POLR3D: variants seen among roughly 807,000 people sequenced by gnomAD.
The protein encoded by POLR3D is RNA polymerase III subunit D, also known as DNA-directed RNA polymerase III subunit RPC4.
POLR3D carries 42 observed loss-of-function variants against 44.5 expected under a neutral mutation model. The observed-to-expected ratio is 0.94, with a 90% CI of 0.74 to 1.22. POLR3D has a LOEUF of 1.22. Ranked by LOEUF, POLR3D falls within the 50% of genes most tolerant of loss-of-function variation. POLR3D has a pLI of 0.00. For synonymous variants in POLR3D, 217 were observed against 198.1 expected (o/e 1.10, Z -0.80); for missense variants, 507 against 505.2 (o/e 1.00, Z -0.03).
chr8:22,245,338 C>A, intron 1 of POLR3D, 107 bp from the exon 2 acceptor site: 1 of 770,702 alleles, frequency 1.3e-6, no homozygotes, highest in Non-Finnish European at 1.8e-6. Flanking sequence ...GCTGAGAGGC[C>A]ACTGGAGGGA....
chr8:22,248,757 C>T, intron 6 of POLR3D, 108 bp downstream of exon 6: 1 of 1,078,134 alleles, frequency 9.3e-7, no homozygotes, highest in East Asian at 2.4e-5. Context: ...GTGAGCAGGT[C>T]CTCCCATTCC....
In POLR3D at chr8:22,249,263, A is replaced by C; in HGVS notation, c.875A>C (p.Gln292Pro). The change falls in exon 7 of 9, where the codon CAG becomes CCG. Residue 292 changes from glutamine (Q) to proline (P), a missense_variant. By Grantham distance (76) the Gln-to-Pro change is moderately conservative (BLOSUM62 -1). Transcript: ENST00000306433. ...ATCAAGCCTATCAAGACAGAGGTGC[A>C]GGGCGAGGACGGACAGGTGGTGCTC... ...QDIKPIKTEVQGEDGQVVLIK... is the reference protein window; with the variant it reads ...QDIKPIKTEVPGEDGQVVLIK... 2 of 1,614,042 alleles carry C rather than the reference A, an allele frequency of 1.2e-6. No individual in the cohort carries two copies. Among genetic ancestry groups the C allele is most frequent in the Non-Finnish European group, 1.7e-6 (2 of 1,180,012 alleles).
At position 22,253,224 on chromosome 8, in the gene POLR3D, C is replaced by T. The variant is rs776282415; in HGVS notation, c.*2706C>T. The T allele has an allele frequency of 4.6e-5, 7 of 152,218 alleles. No individual in the cohort carries two copies. Among genetic ancestry groups the T allele is most frequent in the Admixed American group, 2.0e-4 (3 of 15,280 alleles). 9.4% of individuals were successfully genotyped at this position (152,218 alleles called of 1,614,324 possible). On this transcript the variant is annotated 3_prime_UTR_variant, in exon 9 of 9. Transcript: ENST00000306433. ...CAGTATTGCAGAATGGCTGCTCCTG[C>T]GCCAAGCATCATTCTGCAAATGATG...
In POLR3D at chr8:22,249,147, G is replaced by A; in HGVS notation, c.759G>A (p.Glu253=). Residue 253 remains glutamate, a synonymous_variant, in exon 7 of 9, where the codon GAG becomes GAA. Transcript: ENST00000306433. ...PGLPKDVSVA[E]LLRELSLTKE... is the part of the protein sequence containing the mutation. Reference sequence around the variant, plus strand: ...TCCCGAAGGATGTATCTGTGGCAGAGCTGCTGAGGGAGCTGAGCCTCACCA... The same window carrying A: ...TCCCGAAGGATGTATCTGTGGCAGAACTGCTGAGGGAGCTGAGCCTCACCA... 6.2e-7 allele frequency: 1 copy of A among 1,614,132 alleles called. No homozygotes were observed. The highest frequency in any genetic ancestry group is 8.5e-7 in the Non-Finnish European group (1 of 1,180,004).
Position 22,245,509 on chromosome 8 carries a change from GACTGGGGCCCGGGGGC to G in POLR3D, c.61_76del (p.Thr21SerfsTer50), listed in dbSNP as rs1448714667. On this transcript the variant is annotated frameshift_variant, in exon 2 of 9. Coordinates refer to ENST00000306433, the MANE Select transcript of POLR3D (RefSeq NM_001722.3). LOFTEE classifies it high-confidence loss of function. ...CGCCGGGAGGGCCCCGACCTCTCCT[GACTGGGGCCCGGGGGC>G]TCATCGGGCGGCGGCCGGCGCCTCC... is the stretch of plus-strand genomic sequence containing the variant. 3 of 1,291,072 alleles carry G rather than the reference GACTGGGGCCCGGGGGC, an allele frequency of 2.3e-6. No individual in the cohort carries two copies. Among genetic ancestry groups the G allele is most frequent in the Non-Finnish European group, 3.0e-6 (3 of 1,011,848 alleles). 80.0% of individuals were successfully genotyped at this position (1,291,072 alleles called of 1,614,324 possible). A position where few individuals can be genotyped will look rare whatever the true frequency, so the allele number is the denominator to read the frequency against.
chr8:22,246,100 G>C (rs1455687500), intron 2 of POLR3D, among the ~76,000 whole-genome samples: 2 of 152,018 alleles, frequency 1.3e-5, no homozygotes, highest in Non-Finnish European at 2.9e-5. Context: ...GGGTCAGGAT[G>C]ACAGAAGAAC....
rs1586505392 is a variant in POLR3D, at chr8:22,245,433, C to T, written c.-5-12C>T. 12 of 1,309,786 alleles carry T rather than the reference C, an allele frequency of 9.2e-6. No individual in the cohort carries two copies. The East Asian group carries it at 1.7e-4, about 18-fold the overall frequency. The allele number at this position is 1,309,786 out of a possible 1,614,324, so 81.1% of individuals were successfully genotyped here. Reference sequence around the variant, plus strand: ...GTCCCCTCTGGTGATCTCGTCGCCCCTTCTCTCCCAGGCAACATGTCGGAA... The same window carrying T: ...GTCCCCTCTGGTGATCTCGTCGCCCTTTCTCTCCCAGGCAACATGTCGGAA... On this transcript the variant is annotated splice_polypyrimidine_tract_variant and intron_variant, in intron 1 of 8. Transcript: ENST00000306433.
chr8:22,249,557 C>T (rs910595594), intron 7 of POLR3D, among the ~76,000 whole-genome samples: 6 of 152,152 alleles, frequency 3.9e-5, no homozygotes, highest in East Asian at 1.9e-4. Context: ...TGGCCAGATG[C>T]GGTGGCTCAT....
In POLR3D at chr8:22,250,530, G is replaced by A. The variant is rs754492676; in HGVS notation, c.*12G>A. 6 of 1,613,988 alleles carry A rather than the reference G, an allele frequency of 3.7e-6. No individual in the cohort carries two copies. The Admixed American group carries it at 5.0e-5, about 13-fold the overall frequency. ...ACAAACACCGGTAAAATGAGCAGGT[G>A]GAGGAGGACGGCGCCTGTGCCCACG... is the stretch of plus-strand genomic sequence containing the variant. On this transcript the variant is annotated 3_prime_UTR_variant, in exon 9 of 9. Coordinates refer to ENST00000306433, the MANE Select transcript of POLR3D (RefSeq NM_001722.3).
rs2131949316 is a variant in POLR3D at position 22,249,060 on chromosome 8, A to C, written c.672A>C (p.Arg224=). The C allele has an allele frequency of 2.5e-6, 4 of 1,613,872 alleles. No homozygotes were observed. The East Asian group carries it at 8.9e-5, about 36-fold the overall frequency. ...CCCGGGCAGTGAAAGAGGAGCCACG[A>C]GATGAGGAGGAAGAGGCCAAGATGA... The part of the protein sequence containing the change: ...IPAVKVKEEP[R]DEEEEAKMKA... Residue 224 remains arginine (R), a synonymous_variant, in exon 7 of 9, where the codon CGA becomes CGC. Transcript: ENST00000306433.
Position 22,250,520 on chromosome 8 carries a change from A to G in POLR3D, c.*2A>G, listed in dbSNP as rs1830096166. The G allele has an allele frequency of 6.2e-7, 1 of 1,613,976 alleles. No homozygotes were observed. Among genetic ancestry groups the G allele is most frequent in the Admixed American group, 1.7e-5 (1 of 59,992 alleles). On this transcript the variant is annotated 3_prime_UTR_variant, in exon 9 of 9. Coordinates refer to ENST00000306433, the MANE Select transcript of POLR3D (RefSeq NM_001722.3). ...CTCTTGGATCACAAACACCGGTAAA[A>G]TGAGCAGGTGGAGGAGGACGGCGCC...
In POLR3D at chr8:22,247,856, G is replaced by C. The variant is rs1298836376; in HGVS notation, c.210-1G>C. The C allele has an allele frequency of 3.1e-6, 5 of 1,610,890 alleles. No homozygotes were observed. The highest frequency in any genetic ancestry group is 2.2e-5 in the South Asian group (2 of 90,926). On this transcript the variant is annotated splice_acceptor_variant, in intron 3 of 8. Transcript: ENST00000306433. LOFTEE classifies it high-confidence loss of function. ...TTCCCTTAATCCATTCTTTTTTCCA[G>C]GCCCAAGGAAGAAGTAACTGTCAAG...
intron 4 of POLR3D, 37 bp downstream of exon 4, chr8:22,248,045 GC>G: frequency 6.2e-7 from 1 of 1,608,700 alleles, no homozygotes; most frequent in African/African-American, 1.3e-5. Flanking sequence ...AGTTCAGACT[GC>G]CCCAGAGAAG....
rs1474001813 is a variant in POLR3D at position 22,251,276 on chromosome 8, C to T, written c.*758C>T. The T allele has an allele frequency of 3.3e-5, 5 of 153,620 alleles. No homozygotes were observed. The highest frequency in any genetic ancestry group is 7.3e-5 in the Non-Finnish European group (5 of 68,082). 9.5% of individuals were successfully genotyped at this position (153,620 alleles called of 1,614,324 possible). A position where few individuals can be genotyped will look rare whatever the true frequency, so the allele number is the denominator to read the frequency against. On this transcript the variant is annotated 3_prime_UTR_variant, in exon 9 of 9. Transcript: ENST00000306433. ...CTTCCTGCTTTATATCCCGTCCTCA[C>T]CCTGGGCCTGATGCCCTAAATTTAT...
At chr8:22,245,804 A>T (rs912935826) in intron 2 of POLR3D, among the ~76,000 whole-genome samples, 190 bp downstream of exon 2, 2 of 152,104 alleles carry the variant, frequency 1.3e-5, no homozygotes, top group African/African-American at 4.8e-5. Flanking sequence ...TGTTGAAATG[A>T]CTCCCAGAGG....
chr8:22,247,206 G>C lies in POLR3D; in HGVS notation c.166-15G>C. On this transcript the variant is annotated splice_polypyrimidine_tract_variant and intron_variant, in intron 2 of 8. Coordinates refer to ENST00000306433, the MANE Select transcript of POLR3D (RefSeq NM_001722.3). ...AGAACCTAACACATCAGTGACTCCT[G>C]TATTTTGCTTTCAGAAAACCTTCAC... 6.2e-7 allele frequency: 1 copy of C among 1,607,618 alleles called. No individual in the cohort carries two copies. The highest frequency in any genetic ancestry group is 1.7e-4 in the Middle Eastern group (1 of 6,052).
In POLR3D at chr8:22,250,430, C is replaced by T. The variant is rs911633677; in HGVS notation, c.1109C>T (p.Thr370Ile). 1.2e-6 allele frequency: 2 copies of T among 1,614,144 alleles called. No individual in the cohort carries two copies. The highest frequency in any genetic ancestry group is 1.7e-5 in the Admixed American group (1 of 60,010). Reference sequence around the variant, plus strand: ...TCCGTGGGCCTTGGAGACAGTAGGACAGGGGAGATGACAGTCCTGGGACAC... The same window carrying T: ...TCCGTGGGCCTTGGAGACAGTAGGATAGGGGAGATGACAGTCCTGGGACAC... ...LVSVGLGDSR[T>I]GEMTVLGHVK... is the part of the protein sequence containing the mutation. The change falls in exon 9 of 9, where the codon ACA becomes ATA. Residue 370 changes from threonine to isoleucine, a missense_variant. By Grantham distance (89) the Thr-to-Ile change is moderately conservative. Transcript: ENST00000306433.
At position 22,247,941 on chromosome 8, in the gene POLR3D, C is replaced by A; in HGVS notation, c.294C>A (p.Gly98=). Reference sequence around the variant, plus strand: ...GAGAGGGGCATGGACGAGGGCGAGGCCGTCCAGAAGTGATCCAGTCTCACT... The same window carrying A: ...GAGAGGGGCATGGACGAGGGCGAGGACGTCCAGAAGTGATCCAGTCTCACT... ...RQREGHGRGR[G]RPEVIQSHSI... The change falls in exon 4 of 9, where the codon GGC becomes GGA. Residue 98 remains glycine (G), a synonymous_variant. Transcript: ENST00000306433. 3.7e-6 allele frequency: 6 copies of A among 1,613,930 alleles called. No individual in the cohort carries two copies. The highest frequency in any genetic ancestry group is 5.1e-6 in the Non-Finnish European group (6 of 1,179,948).
In POLR3D at chr8:22,252,811, A is replaced by G. The variant is rs1257622980; in HGVS notation, c.*2293A>G. On this transcript the variant is annotated 3_prime_UTR_variant, in exon 9 of 9. Coordinates refer to ENST00000306433, the MANE Select transcript of POLR3D (RefSeq NM_001722.3). ...GAACAATAGGCTTGCACACTTTTCTAACTACATGTTTAAGTGGCAGAGTCC... is the reference window on the plus strand; with the variant it reads ...GAACAATAGGCTTGCACACTTTTCTGACTACATGTTTAAGTGGCAGAGTCC... 1 of 152,204 alleles carries G rather than the reference A, an allele frequency of 6.6e-6. No individual in the cohort carries two copies. The highest frequency in any genetic ancestry group is 1.5e-5 in the Non-Finnish European group (1 of 68,040). The allele number at this position is 152,204 out of a possible 1,614,324, so 9.4% of individuals were successfully genotyped here. A position where few individuals can be genotyped will look rare whatever the true frequency, so the allele number is the denominator to read the frequency against.
Sources: allele counts gnomAD v4.1 joint callset (sites outside exome capture counted in the v4.1 genomes callset), GRCh38; gene constraint gnomAD v4.1.1; transcripts MANE v1.5; gene names NCBI Gene and HGNC (gene_info 2026-07-23, HGNC 2026-07-21).